Variants in GLIS3 observed in about 807,000 individuals in gnomAD.
GLIS3 encodes the protein GLIS family zinc finger 3.
Under a neutral mutation model 78.6 loss-of-function variants are expected in GLIS3, and 53 were observed. The observed-to-expected ratio is 0.67, with a 90% confidence interval of 0.54 to 0.85. The LOEUF (loss-of-function observed/expected upper bound fraction) is 0.85. GLIS3 is among the 40% of genes least tolerant of loss of function. The probability of loss-of-function intolerance (pLI) is 0.00; values close to 1 mark genes in which losing one functional copy is unlikely to be tolerated. For missense variants in GLIS3, 1,703 were observed against 1,231.1 expected (o/e 1.38, Z -5.74); for synonymous variants, 684 against 509.9 (o/e 1.34, Z -4.60).
Position 4,253,534 on chromosome 9 carries a change from C to CAA in GLIS3, c.388+32503_388+32504insTT, listed in dbSNP as rs1824602815. On this transcript the variant is annotated intron_variant, in intron 2 of 10. Coordinates refer to ENST00000381971, the MANE Select transcript of GLIS3 (RefSeq NM_001042413.2). ...ACAATTTGAAGCCAGTGGATCTTGG[C>CAA]TTGCTGGGCTCTGTGCGGGTGGGAT... is the stretch of plus-strand genomic sequence containing the variant. 2.6e-5 allele frequency among the ~76,000 whole-genome samples: 4 copies of CAA among 152,232 alleles called. 1 individual carries two copies. Among genetic ancestry groups the CAA allele is most frequent in the Admixed American group, 2.6e-4 (4 of 15,278 alleles).
At chr9:4,116,172 T>C (rs1831622777) in intron 4 of GLIS3, among the ~76,000 whole-genome samples, 1 of 152,254 alleles carries the variant, frequency 6.6e-6, no homozygotes, top group Non-Finnish European at 1.5e-5. Context: ...CCTTTATGTT[T>C]ATTTCAGTAA....
intron 3 of GLIS3, among the ~76,000 whole-genome samples, chr9:4,124,377 C>T (rs7872188): frequency 0.36 from 54,128 of 152,062 alleles, 9,970 homozygotes; most frequent in Non-Finnish European, 0.39. Flanking sequence ...AGATACATGG[C>T]TTAAGCAGTC....
chr9:4,343,705 C>A (rs1008607679), intron 2 of GLIS3, among the ~76,000 whole-genome samples: 1 of 152,204 alleles, frequency 6.6e-6, no homozygotes, highest in Non-Finnish European at 1.5e-5. Context: ...AAATGCGGTA[C>A]ATACACACCA....
At chr9:3,951,233 C>G (rs1045477081) in intron 4 of GLIS3, among the ~76,000 whole-genome samples, 5 of 152,156 alleles carry the variant, frequency 3.3e-5, no homozygotes, top group Non-Finnish European at 5.9e-5. Flanking sequence ...TCTAAAAATT[C>G]AAAGCCCAAT....
At chr9:4,006,304 C>CA (rs71497513) in intron 4 of GLIS3, among the ~76,000 whole-genome samples, 5,346 of 32,204 alleles carry the variant, frequency 0.17, 850 homozygotes, top group Non-Finnish European at 0.23. Flanking sequence ...TCATATGTCT[C>CA]AAAAAAAAAA....
At chr9:4,383,440 AG>A in the GLIS3 span, among the ~76,000 whole-genome samples, 1 of 152,176 alleles carries the variant, frequency 6.6e-6, no homozygotes, top group Non-Finnish European at 1.5e-5. Context: ...GTCTACCCTG[AG>A]TCATTTATTA....
intron 4 of GLIS3, among the ~76,000 whole-genome samples, chr9:3,988,190 T>C (rs1819927427): frequency 6.6e-6 from 1 of 151,568 alleles, no homozygotes; most frequent in East Asian, 1.9e-4. Flanking sequence ...CTATCCTTCA[T>C]AAATGAAAAA....
At chr9:3,878,722 C>G (rs772025605) in intron 8 of GLIS3, 1 of 152,694 alleles carries the variant, frequency 6.5e-6, no homozygotes, top group Non-Finnish European at 1.5e-5. Flanking sequence ...AGCATCCAAC[C>G]TCCTTCCAAA....
intron 6 of GLIS3, among the ~76,000 whole-genome samples, chr9:3,923,121 G>A (rs1275388288): frequency 6.6e-6 from 1 of 152,216 alleles, no homozygotes; most frequent in African/African-American, 2.4e-5. Context: ...CTTATCTAAA[G>A]ACTGTTGATT....
In GLIS3 at chr9:4,044,322, T is replaced by C. The variant is rs7045023; in HGVS notation, c.1710+73446A>G. ...TTATGCATATGATTATACAGATCTG[T>C]ACGAAGACTGTAGGAGATATTAAGT... On this transcript the variant is annotated intron_variant, in intron 4 of 10. Transcript: ENST00000381971. Among the ~76,000 whole-genome samples the C allele has an allele frequency of 8.0e-3, 1,216 of 152,288 alleles. 13 individuals are homozygous for C. Among genetic ancestry groups the C allele is most frequent in the African/African-American group, 0.026 (1,099 of 41,570 alleles).
At chr9:3,984,274 G>A (rs1819544047) in intron 4 of GLIS3, among the ~76,000 whole-genome samples, 1 of 152,236 alleles carries the variant, frequency 6.6e-6, no homozygotes, top group South Asian at 2.1e-4. Flanking sequence ...CTCAACATCA[G>A]CCTATGAAGG....
chr9:4,477,436 T>C, the GLIS3 span, among the ~76,000 whole-genome samples: 1 of 151,650 alleles, frequency 6.6e-6, no homozygotes, highest in Non-Finnish European at 1.5e-5. Flanking sequence ...TTTTTTGAGA[T>C]AGGGGTCTCT....
At chr9:3,951,963 C>A (rs1406302203) in intron 4 of GLIS3, among the ~76,000 whole-genome samples, 2 of 151,628 alleles carry the variant, frequency 1.3e-5, no homozygotes, top group African/African-American at 4.9e-5. Flanking sequence ...TGGGATCCGG[C>A]TGATCACTGG....
intron 4 of GLIS3, among the ~76,000 whole-genome samples, chr9:4,027,316 C>CATTGTCT (rs1451917539): frequency 6.6e-6 from 1 of 152,220 alleles, no homozygotes. Context: ...ATGTAATTCA[C>CATTGTCT]AAACAGTGTA....
At chr9:3,932,551 C>T in intron 5 of GLIS3, 81 bp from the exon 6 acceptor site, 1 of 1,006,014 alleles carries the variant, frequency 9.9e-7, no homozygotes, top group Non-Finnish European at 1.6e-6. Flanking sequence ...AGACTATTGA[C>T]TTCAGAGCAT....
the GLIS3 span, among the ~76,000 whole-genome samples, chr9:4,436,779 C>A: frequency 1.5e-5 from 2 of 136,200 alleles, no homozygotes; most frequent in East Asian, 2.2e-4. Context: ...GGCCATTGCA[C>A]TCCAGCCTGG....
chr9:4,182,557 T>G (rs1044748560), intron 2 of GLIS3, among the ~76,000 whole-genome samples: 1 of 152,114 alleles, frequency 6.6e-6, no homozygotes, highest in African/African-American at 2.4e-5. Flanking sequence ...TGAGAAAGCA[T>G]GGGGAGTTGT....
At chr9:4,397,496 C>G in the GLIS3 span, among the ~76,000 whole-genome samples, 1 of 151,682 alleles carries the variant, frequency 6.6e-6, no homozygotes, top group Non-Finnish European at 1.5e-5. Context: ...CTGCTTCCCC[C>G]TGACTCCCCA....
chr9:4,259,000 G>C (rs1825245972), intron 2 of GLIS3, among the ~76,000 whole-genome samples: 1 of 152,166 alleles, frequency 6.6e-6, no homozygotes, highest in East Asian at 1.9e-4. Flanking sequence ...TTTTACTCCA[G>C]AAACGCCAAT....
Sources: gnomAD v4.1 joint callset for allele counts (sites outside exome capture counted in the v4.1 genomes callset) on GRCh38, gnomAD v4.1.1 for gene constraint, MANE v1.5 for transcripts, NCBI Gene and HGNC (gene_info 2026-07-23, HGNC 2026-07-21) for gene names.